The following DLG2 variants were observed in gnomAD, a reference collection of about 807,000 sequenced individuals.
DLG2 encodes the protein disks large homolog 2.
In DLG2, 45 loss-of-function variants were observed where a neutral mutation model predicts 132.5. The ratio of observed to expected loss-of-function variants is 0.34; its 90% CI spans 0.27 to 0.44. The LOEUF (loss-of-function observed/expected upper bound fraction) is 0.44. Among genes scored for constraint, DLG2 ranks in the 20% least tolerant of loss-of-function variants. DLG2 has a pLI of 1.00. For missense variants in DLG2, 1,045 were observed against 1,196.9 expected (o/e 0.87, Z 1.87); for synonymous variants, 424 against 419.6 (o/e 1.01, Z -0.13).
chr11:83,603,877 A>AT (rs1178593966), intron 19 of DLG2, among the ~76,000 whole-genome samples: 4 of 152,070 alleles, frequency 2.6e-5, no homozygotes, highest in Admixed American at 6.5e-5. Flanking sequence ...TCTAGAAGTG[A>AT]TTTTTTACCA....
At chr11:84,682,497 A>G (rs2099733899) in intron 6 of DLG2, among the ~76,000 whole-genome samples, 1 of 152,200 alleles carries the variant, frequency 6.6e-6, no homozygotes, top group Non-Finnish European at 1.5e-5. Context: ...GGTGCCATGG[A>G]GAGTGGGGAG....
chr11:83,946,869 C>T (rs77418894), intron 14 of DLG2, among the ~76,000 whole-genome samples: 2,720 of 152,316 alleles, frequency 0.018, 89 homozygotes, highest in African/African-American at 0.061. Context: ...AGACCACATT[C>T]TCACTGTGAG....
At chr11:83,886,451 GT>G (rs1250825390) in intron 15 of DLG2, among the ~76,000 whole-genome samples, 2 of 152,192 alleles carry the variant, frequency 1.3e-5, no homozygotes, top group African/African-American at 4.8e-5. Flanking sequence ...CATAAAGCAA[GT>G]CCTGAGTGAC....
chr11:84,208,009 G>A (rs2154306142), intron 8 of DLG2, among the ~76,000 whole-genome samples: 1 of 152,212 alleles, frequency 6.6e-6, no homozygotes, highest in African/African-American at 2.4e-5. Flanking sequence ...CTGTATCCCT[G>A]AACCTGAAAT....
At chr11:84,710,297 G>GAGCATT (rs1398586379) in intron 6 of DLG2, among the ~76,000 whole-genome samples, 1 of 151,890 alleles carries the variant, frequency 6.6e-6, no homozygotes, top group Non-Finnish European at 1.5e-5. Flanking sequence ...TACCGTATTT[G>GAGCATT]AGCATTAACC....
At chr11:84,834,835 G>A (rs1280357899) in intron 6 of DLG2, among the ~76,000 whole-genome samples, 1 of 147,796 alleles carries the variant, frequency 6.8e-6, no homozygotes, top group African/African-American at 2.5e-5. Context: ...AAATATCAAA[G>A]AATTTCTCCA....
At chr11:84,094,580 T>C (rs1248150197) in intron 10 of DLG2, among the ~76,000 whole-genome samples, 1 of 152,228 alleles carries the variant, frequency 6.6e-6, no homozygotes, top group East Asian at 1.9e-4. Context: ...ATTTGATGTC[T>C]AGTGATGGCC....
intron 18 of DLG2, among the ~76,000 whole-genome samples, chr11:83,689,171 G>A (rs1175135049): frequency 6.6e-6 from 1 of 152,088 alleles, no homozygotes; most frequent in Non-Finnish European, 1.5e-5. Flanking sequence ...ACTCAGTCTG[G>A]AGACTGAGGT....
chr11:85,589,426 C>G (rs1188772750), intron 3 of DLG2, among the ~76,000 whole-genome samples: 1 of 152,104 alleles, frequency 6.6e-6, no homozygotes, highest in African/African-American at 2.4e-5. Flanking sequence ...GGTCATAAAG[C>G]TCCCAAAAGT....
At chr11:85,375,001 T>G (rs2085293621) in intron 3 of DLG2, among the ~76,000 whole-genome samples, 2 of 152,108 alleles carry the variant, frequency 1.3e-5, no homozygotes, top group African/African-American at 4.8e-5. Context: ...TAAAGTTTAG[T>G]ACCAGTTAGC....
intron 21 of DLG2, among the ~76,000 whole-genome samples, chr11:83,519,690 AT>A (rs1440388956): frequency 1.3e-5 from 2 of 152,232 alleles, no homozygotes; most frequent in African/African-American, 4.8e-5. Flanking sequence ...AAAAATACTA[AT>A]CAAAGTCAAA....
chr11:84,600,232 A>AAGAAAGAC, intron 6 of DLG2, among the ~76,000 whole-genome samples: 1 of 128,782 alleles, frequency 7.8e-6, no homozygotes, highest in Non-Finnish European at 1.6e-5. Flanking sequence ...AAGAGAAAGA[A>AAGAAAGAC]AGACAGAAAA....
intron 16 of DLG2, among the ~76,000 whole-genome samples, chr11:83,834,502 GGA>G (rs1390154091): frequency 6.6e-6 from 1 of 152,130 alleles, no homozygotes; most frequent in African/African-American, 2.4e-5. Flanking sequence ...TGGAAAAAGA[GGA>G]GAGAGAGCAT....
At chr11:84,597,155 G>A (rs2099562683) in intron 6 of DLG2, among the ~76,000 whole-genome samples, 1 of 152,106 alleles carries the variant, frequency 6.6e-6, no homozygotes, top group African/African-American at 2.4e-5. Context: ...AGGAGGCAGA[G>A]GTTGCAGTAA....
intron 15 of DLG2, among the ~76,000 whole-genome samples, chr11:83,883,568 G>C (rs76721943): frequency 0.026 from 3,920 of 152,266 alleles, 69 homozygotes; most frequent in Non-Finnish European, 0.039. Context: ...TTGCTTTAAA[G>C]CAATAATGAG....
chr11:85,271,569 A>G (rs2077532313), intron 4 of DLG2, among the ~76,000 whole-genome samples: 1 of 152,218 alleles, frequency 6.6e-6, no homozygotes, highest in South Asian at 2.1e-4. Flanking sequence ...CAGCACAGGA[A>G]AGCAGCCAGG....
intron 18 of DLG2, chr11:83,647,912 T>A (rs1256026907): frequency 6.6e-6 from 1 of 152,170 alleles, no homozygotes; most frequent in African/African-American, 2.4e-5. Context: ...TCTGTCATCA[T>A]CACATGTTCT....
intron 6 of DLG2, among the ~76,000 whole-genome samples, chr11:84,838,030 T>C (rs1377399674): frequency 2.0e-5 from 3 of 151,862 alleles, no homozygotes; most frequent in African/African-American, 7.2e-5. Flanking sequence ...TAAGAATATT[T>C]ACACACATAA....
At chr11:84,682,980 T>G (rs1342707717) in intron 6 of DLG2, among the ~76,000 whole-genome samples, 1 of 152,216 alleles carries the variant, frequency 6.6e-6, no homozygotes, top group African/African-American at 2.4e-5. Context: ...TTTATCACAA[T>G]GCAGATATAA....
Sources: gnomAD v4.1 joint callset for allele counts (sites outside exome capture counted in the v4.1 genomes callset) on GRCh38, gnomAD v4.1.1 for gene constraint, MANE v1.5 for transcripts, NCBI Gene and HGNC (gene_info 2026-07-23, HGNC 2026-07-21) for gene names.